Variants in FRMD4A observed in about 807,000 individuals in gnomAD.
The protein encoded by FRMD4A is FERM domain containing 4A, also known as FERM domain-containing protein 4A.
FRMD4A carries 29 observed loss-of-function variants against 129.1 expected under a neutral mutation model. That is an observed-to-expected ratio of 0.22 (90% CI 0.17 to 0.31). The LOEUF is 0.31. Among genes scored for constraint, FRMD4A ranks in the 10% least tolerant of loss-of-function variants. The pLI, the probability that FRMD4A is intolerant of heterozygous loss-of-function variation, is 1.00. For missense variants in FRMD4A, 1,272 were observed against 1,375.8 expected (o/e 0.92, Z 1.19); for synonymous variants, 634 against 571.6 (o/e 1.11, Z -1.56).
At chr10:14,035,156 T>C (rs912130648) in intron 2 of FRMD4A, among the ~76,000 whole-genome samples, 3 of 152,178 alleles carry the variant, frequency 2.0e-5, no homozygotes, top group Non-Finnish European at 2.9e-5. Context: ...CTCACACCTA[T>C]AATCCCAGCA....
At chr10:13,756,828 A>G (rs2091886678) in intron 8 of FRMD4A, among the ~76,000 whole-genome samples, 1 of 152,202 alleles carries the variant, frequency 6.6e-6, no homozygotes, top group Non-Finnish European at 1.5e-5. Context: ...TTTGTATGTG[A>G]TATCTCCCTC....
chr10:14,053,923 C>T (rs1471267267), intron 2 of FRMD4A, among the ~76,000 whole-genome samples: 1 of 152,156 alleles, frequency 6.6e-6, no homozygotes, highest in Non-Finnish European at 1.5e-5. Flanking sequence ...AGGAGGATCA[C>T]CTGAGCCCAG....
intron 4 of FRMD4A, among the ~76,000 whole-genome samples, chr10:13,798,734 T>C (rs2093182612): frequency 6.6e-6 from 1 of 152,108 alleles, no homozygotes; most frequent in Non-Finnish European, 1.5e-5. Context: ...AATAAATAAA[T>C]GGAAGAGAGT....
At chr10:14,225,953 G>A (rs550332579) in intron 2 of FRMD4A, among the ~76,000 whole-genome samples, 4 of 152,302 alleles carry the variant, frequency 2.6e-5, no homozygotes, top group Admixed American at 2.6e-4. Context: ...TGGGTGGCCA[G>A]ATATTCTACT....
chr10:13,918,628 A>C (rs2095035947), intron 2 of FRMD4A, among the ~76,000 whole-genome samples: 2 of 152,030 alleles, frequency 1.3e-5, no homozygotes, highest in African/African-American at 4.8e-5. Flanking sequence ...TTCCGGATTC[A>C]AGTGATTCTC....
chr10:13,831,186 C>G (rs1312484422), intron 3 of FRMD4A, among the ~76,000 whole-genome samples: 3 of 152,170 alleles, frequency 2.0e-5, no homozygotes, highest in East Asian at 3.8e-4. Flanking sequence ...TTCTACAGTC[C>G]CTGTGGAGTT....
At position 13,670,411 on chromosome 10, in the gene FRMD4A, C is replaced by T. The variant is rs376922161; in HGVS notation, c.1369G>A (p.Gly457Arg). Residue 457 changes from glycine to arginine, a missense_variant, in exon 17 of 25, where the codon GGA becomes AGA. Physicochemically the swap from Gly to Arg is moderately radical, Grantham distance 125. Coordinates refer to ENST00000357447, the MANE Select transcript of FRMD4A (RefSeq NM_018027.5). Reference sequence around the variant, plus strand: ...AACAGAAAGGAAGGACGCACCTCTCCTTTGGGCAGGATTTTCTGTTCATCC... The same window carrying T: ...AACAGAAAGGAAGGACGCACCTCTCTTTTGGGCAGGATTTTCTGTTCATCC... The part of the protein sequence containing the change: ...KLDEQKILPK[G>R]EEAELERLER... 41 of 1,613,084 alleles carry T rather than the reference C, an allele frequency of 2.5e-5. No individual in the cohort carries two copies. Among genetic ancestry groups the T allele is most frequent in the Non-Finnish European group, 3.1e-5 (37 of 1,179,456 alleles).
intron 3 of FRMD4A, among the ~76,000 whole-genome samples, chr10:13,852,436 G>C (rs969002949): frequency 6.6e-6 from 1 of 151,886 alleles, no homozygotes; most frequent in Admixed American, 6.6e-5. Context: ...TGTTGGCCAG[G>C]ATGGTCTTGA....
At chr10:14,151,273 A>G (rs1448123631) in intron 2 of FRMD4A, among the ~76,000 whole-genome samples, 1 of 152,220 alleles carries the variant, frequency 6.6e-6, no homozygotes, top group Non-Finnish European at 1.5e-5. Flanking sequence ...GGGTCCACCA[A>G]TGGCTGATTC....
intron 2 of FRMD4A, among the ~76,000 whole-genome samples, chr10:14,257,549 A>C (rs1160471761): frequency 6.6e-6 from 1 of 152,192 alleles, no homozygotes. Flanking sequence ...GGTGCCTTAC[A>C]ATGTGATCTT....
intron 3 of FRMD4A, among the ~76,000 whole-genome samples, chr10:13,830,947 G>T (rs955926563): frequency 1.3e-5 from 2 of 152,108 alleles, no homozygotes; most frequent in Non-Finnish European, 2.9e-5. Context: ...CCACCACCAG[G>T]CCTGGCTAAT....
intron 16 of FRMD4A, among the ~76,000 whole-genome samples, chr10:13,674,132 C>T (rs951833015): frequency 6.6e-6 from 1 of 152,132 alleles, no homozygotes; most frequent in East Asian, 1.9e-4. Flanking sequence ...AGCTAAACAC[C>T]AGATCACAGG....
chr10:14,141,264 C>T (rs1839820100), intron 2 of FRMD4A, among the ~76,000 whole-genome samples: 1 of 152,058 alleles, frequency 6.6e-6, no homozygotes, highest in African/African-American at 2.4e-5. Context: ...CTGGATGTGC[C>T]CACAGGATCC....
chr10:13,685,129 G>T (rs778018863), intron 15 of FRMD4A: 10 of 984,460 alleles, frequency 1.0e-5, no homozygotes, highest in Non-Finnish European at 1.2e-5. Flanking sequence ...CTGTTATAGA[G>T]AATTAGATGT....
chr10:13,958,175 C>T (rs1305410604), intron 2 of FRMD4A, among the ~76,000 whole-genome samples: 1 of 151,708 alleles, frequency 6.6e-6, no homozygotes, highest in Non-Finnish European at 1.5e-5. Flanking sequence ...GTCTCCTATC[C>T]TTTTGTGTTT....
chr10:14,324,798 C>T (rs1357921672), intron 2 of FRMD4A, among the ~76,000 whole-genome samples: 1 of 152,134 alleles, frequency 6.6e-6, no homozygotes, highest in African/African-American at 2.4e-5. Flanking sequence ...GCAGGTGGGA[C>T]TACAGGTGCA....
At chr10:14,248,052 G>A (rs973943868) in intron 2 of FRMD4A, among the ~76,000 whole-genome samples, 6 of 152,118 alleles carry the variant, frequency 3.9e-5, no homozygotes, top group East Asian at 3.8e-4. Context: ...GCACCTCAGC[G>A]GGTGCTTCTC....
intron 3 of FRMD4A, among the ~76,000 whole-genome samples, chr10:13,852,312 C>T (rs756119168): frequency 6.6e-6 from 1 of 151,606 alleles, no homozygotes; most frequent in Non-Finnish European, 1.5e-5. Context: ...GGCGTGACCT[C>T]GACTCACTGC....
At chr10:14,287,015 T>C (rs778252690) in intron 2 of FRMD4A, among the ~76,000 whole-genome samples, 1 of 152,200 alleles carries the variant, frequency 6.6e-6, no homozygotes, top group Non-Finnish European at 1.5e-5. Flanking sequence ...GCATCACTCT[T>C]GGCGTTCTGC....
Sources: gnomAD v4.1 joint callset for allele counts (sites outside exome capture counted in the v4.1 genomes callset) on GRCh38, gnomAD v4.1.1 for gene constraint, MANE v1.5 for transcripts, NCBI Gene and HGNC (gene_info 2026-07-23, HGNC 2026-07-21) for gene names.